SLC7A2: variants seen among roughly 807,000 people sequenced by gnomAD.
SLC7A2 encodes cationic amino acid transporter 2.
In SLC7A2, 48 loss-of-function variants were observed where a neutral mutation model predicts 58.9. That is an observed-to-expected ratio of 0.82 (90% confidence interval 0.65 to 1.04). The LOEUF (loss-of-function observed/expected upper bound fraction) is 1.04, where lower values mean the gene tolerates loss of function less well. Among genes scored for constraint, SLC7A2 ranks in the 50% least tolerant of loss-of-function variants. The pLI is 0.00. For missense variants in SLC7A2, 1,029 were observed against 818.8 expected (o/e 1.26, Z -3.13); for synonymous variants, 363 against 314.5 (o/e 1.15, Z -1.63).
chr8:17,504,567 T>C (rs919599041), intron 2 of SLC7A2, among the ~76,000 whole-genome samples: 3 of 152,234 alleles, frequency 2.0e-5, no homozygotes, highest in Non-Finnish European at 4.4e-5. Context: ...ATTGTATTTC[T>C]ATATGCATTC....
chr8:17,526,727 C>T (rs2720494), intron 2 of SLC7A2, among the ~76,000 whole-genome samples: 78,488 of 151,950 alleles, frequency 0.52, 20,773 homozygotes, highest in Middle Eastern at 0.59. Context: ...AGAAAAATTT[C>T]AGCAGCGTGT....
intron 2 of SLC7A2, among the ~76,000 whole-genome samples, chr8:17,535,923 A>G (rs950694132): frequency 6.6e-6 from 1 of 152,002 alleles, no homozygotes; most frequent in East Asian, 1.9e-4. Context: ...TTTTTTTTAC[A>G]TTTTTTAACA....
chr8:17,502,012 C>G (rs537678481), intron 1 of SLC7A2, among the ~76,000 whole-genome samples: 116 of 151,914 alleles, frequency 7.6e-4, no homozygotes, highest in Non-Finnish European at 1.3e-3. Context: ...GGAAAATTCT[C>G]TTCTTTCCTT....
chr8:17,535,912 AT>A (rs1162780470), intron 2 of SLC7A2, among the ~76,000 whole-genome samples: 2 of 151,802 alleles, frequency 1.3e-5, no homozygotes, highest in Admixed American at 6.6e-5. Flanking sequence ...CAAAACAAAA[AT>A]TTTTTTTACA....
At position 17,560,580 on chromosome 8, in the gene SLC7A2, G is replaced by A. The variant is rs187812973; in HGVS notation, c.1504+47G>A. On this transcript the variant is annotated intron_variant, in intron 10 of 12. Coordinates refer to ENST00000494857, the MANE Select transcript of SLC7A2 (RefSeq NM_001370338.1). ...CATTGTACAGACCCAGAAGATGTGT[G>A]TGAGTAGAGCTGGCATGATATGAAA... The A allele has an allele frequency of 1.2e-5, 17 of 1,471,152 alleles. No individual in the cohort carries two copies. The African/African-American group carries it at 1.8e-4, about 16-fold the overall frequency. 91.1% of individuals were successfully genotyped at this position (1,471,152 alleles called of 1,614,324 possible).
rs1803426098 is a variant in SLC7A2 at position 17,569,689 on chromosome 8, T to C, written c.*4543T>C. On this transcript the variant is annotated 3_prime_UTR_variant, in exon 13 of 13. Coordinates refer to ENST00000494857, the MANE Select transcript of SLC7A2 (RefSeq NM_001370338.1). ...CATTATTGTTTGTATATACACGGTT[T>C]AGTCTTACTGATTTCAAATGCATTT... The C allele has an allele frequency of 6.6e-6, 1 of 152,214 alleles. No individual in the cohort carries two copies. The highest frequency in any genetic ancestry group is 1.5e-5 in the Non-Finnish European group (1 of 68,034). The allele number at this position is 152,214 out of a possible 1,614,324, so 9.4% of individuals were successfully genotyped here.
At chr8:17,562,454 C>T (rs142179361) in intron 11 of SLC7A2, among the ~76,000 whole-genome samples, 1 of 151,984 alleles carries the variant, frequency 6.6e-6, no homozygotes, top group Non-Finnish European at 1.5e-5. Context: ...ATCCACCCAC[C>T]TCTGCCTCCA....
At chr8:17,555,625 C>T (rs1054220919) in intron 8 of SLC7A2, among the ~76,000 whole-genome samples, 1 of 151,878 alleles carries the variant, frequency 6.6e-6, no homozygotes, top group African/African-American at 2.4e-5. Context: ...TGGTGGGCAT[C>T]CTTGCTTCCA....
intron 2 of SLC7A2, among the ~76,000 whole-genome samples, chr8:17,516,087 G>C (rs954455577): frequency 6.6e-6 from 1 of 151,980 alleles, no homozygotes; most frequent in African/African-American, 2.4e-5. Flanking sequence ...TTTTCCCTAA[G>C]AATGAAAAGA....
intron 2 of SLC7A2, among the ~76,000 whole-genome samples, chr8:17,525,619 A>T (rs1036427664): frequency 4.6e-5 from 7 of 152,156 alleles, no homozygotes; most frequent in Non-Finnish European, 8.8e-5. Context: ...TTTGACAATG[A>T]ACTGGTTACT....
intron 2 of SLC7A2, among the ~76,000 whole-genome samples, chr8:17,539,114 C>T (rs1801800099): frequency 6.6e-6 from 1 of 152,136 alleles, no homozygotes; most frequent in South Asian, 2.1e-4. Context: ...TTCCTGGAAT[C>T]GTTGAAAGGA....
chr8:17,510,895 A>T (rs938979094), intron 2 of SLC7A2: 1 of 152,236 alleles, frequency 6.6e-6, no homozygotes, highest in Non-Finnish European at 1.5e-5. Context: ...TGTGCCACAT[A>T]TACACCATGG....
chr8:17,565,146 A>G lies in SLC7A2; in HGVS notation c.1977A>G (p.Ter659=). 1 of 1,608,852 alleles carries G rather than the reference A, an allele frequency of 6.2e-7. No homozygotes were observed. Among genetic ancestry groups the G allele is most frequent in the Non-Finnish European group, 8.5e-7 (1 of 1,176,172 alleles). The part of the protein sequence containing the change: ...FIFHEKTSEF[*] ...TCCATGAAAAGACAAGTGAATTCTA[A>G]CACTTGCAGGAGCAGAGCTGGTCAT... is the stretch of plus-strand genomic sequence containing the variant. Residue 659 remains the stop codon, a stop_retained_variant, in exon 13 of 13, where the codon TAA becomes TAG. Coordinates refer to ENST00000494857, the MANE Select transcript of SLC7A2 (RefSeq NM_001370338.1).
intron 1 of SLC7A2, chr8:17,500,464 G>A (rs948452406): frequency 1.3e-5 from 2 of 152,170 alleles, no homozygotes; most frequent in African/African-American, 4.8e-5. Context: ...CTTGAGGCCA[G>A]AAGTTCAAGA....
intron 2 of SLC7A2, among the ~76,000 whole-genome samples, chr8:17,535,545 G>A (rs1263126015): frequency 6.6e-6 from 1 of 152,206 alleles, no homozygotes; most frequent in Non-Finnish European, 1.5e-5. Flanking sequence ...GGTTGTTTCA[G>A]GGCCTGATAG....
chr8:17,495,525 C>T (rs1301730243), upstream of SLC7A2, among the ~76,000 whole-genome samples: 1 of 152,122 alleles, frequency 6.6e-6, no homozygotes, highest in African/African-American at 2.4e-5. Context: ...AATCATAGTG[C>T]TGTTTAAACT....
In SLC7A2 at chr8:17,543,480, C is replaced by T. The variant is rs894081856; in HGVS notation, c.141C>T (p.Thr47=). The T allele has an allele frequency of 1.9e-6, 3 of 1,613,968 alleles. No homozygotes were observed. The highest frequency in any genetic ancestry group is 1.7e-5 in the Admixed American group (1 of 59,988). The change falls in exon 3 of 13, where the codon ACC becomes ACT. Residue 47 remains threonine (T), a synonymous_variant. Coordinates refer to ENST00000494857, the MANE Select transcript of SLC7A2 (RefSeq NM_001370338.1). The part of the protein sequence containing the change: ...MDLIALGVGS[T]LGAGVYVLAG... ...TCATTGCCCTGGGCGTTGGAAGCACCCTTGGGGCCGGGGTTTATGTCCTCG... is the reference window on the plus strand; with the variant it reads ...TCATTGCCCTGGGCGTTGGAAGCACTCTTGGGGCCGGGGTTTATGTCCTCG...
chr8:17,524,228 A>G (rs1018675927), intron 2 of SLC7A2, among the ~76,000 whole-genome samples: 2 of 152,222 alleles, frequency 1.3e-5, no homozygotes, highest in African/African-American at 4.8e-5. Context: ...TAGAACTACC[A>G]TTTGATCCAG....
At chr8:17,494,335 C>G (rs1783083899), upstream of SLC7A2, among the ~76,000 whole-genome samples, 1 of 152,144 alleles carries the variant, frequency 6.6e-6, no homozygotes, top group African/African-American at 2.4e-5. Flanking sequence ...CTTAAGAGTT[C>G]AGACATGCAA....
Sources: allele counts gnomAD v4.1 joint callset (sites outside exome capture counted in the v4.1 genomes callset), GRCh38; gene constraint gnomAD v4.1.1; transcripts MANE v1.5; gene names NCBI Gene and HGNC (gene_info 2026-07-23, HGNC 2026-07-21).